PALD1: variants seen among roughly 807,000 people sequenced by gnomAD.
The protein encoded by PALD1 is phosphatase domain containing paladin 1, also known as paladin.
Under a neutral mutation model 96.0 loss-of-function variants are expected in PALD1, and 57 were observed. That is an observed-to-expected ratio of 0.59 (90% confidence interval 0.48 to 0.74). The LOEUF is 0.74. Among genes scored for constraint, PALD1 ranks in the 30% least tolerant of loss-of-function variants. The probability of loss-of-function intolerance (pLI) is 0.00; values close to 1 mark genes in which losing one functional copy is unlikely to be tolerated. For missense variants in PALD1, 1,063 were observed against 1,143.7 expected (o/e 0.93, Z 1.02); for synonymous variants, 464 against 473.6 (o/e 0.98, Z 0.26).
Position 70,547,395 on chromosome 10 carries a change from G to A in PALD1, c.2211G>A (p.Met737Ile). 2 of 1,613,276 alleles carry A rather than the reference G, an allele frequency of 1.2e-6. No individual in the cohort carries two copies. Among genetic ancestry groups the A allele is most frequent in the Non-Finnish European group, 1.7e-6 (2 of 1,179,690 alleles). The stretch of plus-strand genomic sequence containing the variant: ...CGCTGGACACTGTCAGCGAGACCAT[G>A]ACGCCCATGCACTACCACCTGCGGG... Reference protein sequence around the residue: ...DAALDTVSETMTPMHYHLREI... With the variant: ...DAALDTVSETITPMHYHLREI... Residue 737 changes from methionine (M) to isoleucine (I), a missense_variant, in exon 18 of 20, where the codon ATG (methionine) becomes ATA (isoleucine). Transcript: ENST00000263563.
intron 19 of PALD1, among the ~76,000 whole-genome samples, chr10:70,565,785 G>A (rs1404004131): frequency 6.6e-6 from 1 of 152,160 alleles, no homozygotes; most frequent in Admixed American, 6.5e-5. Context: ...CCTGGGGAGG[G>A]GTGGAGGTGG....
At chr10:70,501,553 G>A (rs138124909) in intron 1 of PALD1, among the ~76,000 whole-genome samples, 105 of 152,294 alleles carry the variant, frequency 6.9e-4, no homozygotes, top group African/African-American at 2.4e-3. Flanking sequence ...GTGGCACCTC[G>A]GGAGCGTCCT....
At chr10:70,468,329 C>T in the PALD1 span, among the ~76,000 whole-genome samples, 1 of 151,966 alleles carries the variant, frequency 6.6e-6, no homozygotes, top group Admixed American at 6.6e-5. Context: ...CTGCAACCTT[C>T]ACCTCCCGGG....
chr10:70,548,032 G>GC (rs144346676), intron 18 of PALD1, among the ~76,000 whole-genome samples: 28,963 of 152,078 alleles, frequency 0.19, 2,830 homozygotes, highest in Admixed American at 0.23. Context: ...TTGGCCAGGT[G>GC]CAGTGGCTCA....
intron 1 of PALD1, among the ~76,000 whole-genome samples, chr10:70,480,554 C>T (rs1845912724): frequency 6.6e-6 from 1 of 152,214 alleles, no homozygotes; most frequent in Non-Finnish European, 1.5e-5. Context: ...GCTCTGACCT[C>T]ACTTCTGTGA....
At chr10:70,557,489 C>T (rs1200215315) in intron 18 of PALD1, among the ~76,000 whole-genome samples, 4 of 152,222 alleles carry the variant, frequency 2.6e-5, no homozygotes, top group African/African-American at 9.7e-5. Context: ...TCCCTTCACA[C>T]TTTGAAATTA....
chr10:70,538,479 C>T (rs1847161845), intron 12 of PALD1, 71 bp downstream of exon 12: 4 of 1,499,080 alleles, frequency 2.7e-6, no homozygotes, highest in African/African-American at 2.8e-5. Flanking sequence ...CACTGGATTC[C>T]TGTAGGGTTG....
chr10:70,560,913 C>G (rs1306835282), intron 18 of PALD1, among the ~76,000 whole-genome samples: 1 of 137,038 alleles, frequency 7.3e-6, no homozygotes, highest in Non-Finnish European at 1.6e-5. Flanking sequence ...GTGGCTGACC[C>G]GTCCTCCCCA....
intron 18 of PALD1, among the ~76,000 whole-genome samples, chr10:70,553,210 C>T (rs1010570037): frequency 5.3e-5 from 8 of 152,308 alleles, no homozygotes; most frequent in Middle Eastern, 3.4e-3. Flanking sequence ...ACTTCCAGAA[C>T]GAGAGACTTC....
chr10:70,557,218 T>G (rs1244850304), intron 18 of PALD1, among the ~76,000 whole-genome samples: 1 of 152,094 alleles, frequency 6.6e-6, no homozygotes, highest in Non-Finnish European at 1.5e-5. Context: ...TCACCTGGAG[T>G]TGTTACCCTT....
At chr10:70,464,610 TA>T in the PALD1 span, among the ~76,000 whole-genome samples, 1 of 144,146 alleles carries the variant, frequency 6.9e-6, no homozygotes, top group African/African-American at 2.5e-5. Context: ...TATTCCAGGC[TA>T]AAACTGTACC....
rs148122800 is a variant in PALD1 at position 70,539,989 on chromosome 10, ATTG to A, written c.1908+230_1908+232del. Among the ~76,000 whole-genome samples, 521 of 151,956 alleles carry A rather than the reference ATTG, an allele frequency of 3.4e-3. 2 individuals carry two copies. The highest frequency in any genetic ancestry group is 0.012 in the African/African-American group (503 of 41,416). On this transcript the variant is annotated intron_variant, in intron 15 of 19. Transcript: ENST00000263563. This position sits in a 1 kb window ranked among gnomAD's most constrained non-coding sequence, Gnocchi z 4.5. ...TGTGTTATAGGGTATATGTGTGTGT[ATTG>A]TTATAGGTGTGTGTGTATTGGAGTG... is the stretch of plus-strand genomic sequence containing the variant.
chr10:70,539,739 G>A lies in PALD1; in HGVS notation c.1885G>A (p.Asp629Asn). The change falls in exon 15 of 20, where the codon GAC becomes AAC. Residue 629 changes from aspartate to asparagine, a missense_variant. Physicochemically the swap from Asp to Asn is conservative, Grantham distance 23. Transcript: ENST00000263563. The surrounding 1 kb of genome is among the most constrained non-coding windows in gnomAD (Gnocchi z 4.5). ...CACCTACCACCGCATCCCCATGCCG[G>A]ACTTCTGTGCCCCCCGAGAGGAGGT... ...GLTYHRIPMP[D>N]FCAPREEDFD... is the part of the protein sequence containing the mutation. The A allele has an allele frequency of 6.2e-7, 1 of 1,611,872 alleles. No homozygotes were observed. Among genetic ancestry groups the A allele is most frequent in the Non-Finnish European group, 8.5e-7 (1 of 1,179,328 alleles).
chr10:70,492,439 C>A (rs1024336136), intron 1 of PALD1, among the ~76,000 whole-genome samples: 3 of 136,094 alleles, frequency 2.2e-5, no homozygotes, highest in Non-Finnish European at 4.6e-5. Flanking sequence ...GAATTAAATG[C>A]ATTTTTGACT....
At chr10:70,556,474 C>A (rs997630341) in intron 18 of PALD1, among the ~76,000 whole-genome samples, 1 of 152,070 alleles carries the variant, frequency 6.6e-6, no homozygotes, top group African/African-American at 2.4e-5. Flanking sequence ...CGCCACCAGG[C>A]CTGGCTAATT....
intron 18 of PALD1, among the ~76,000 whole-genome samples, chr10:70,556,704 A>G (rs934459860): frequency 1.3e-5 from 2 of 152,130 alleles, no homozygotes; most frequent in African/African-American, 4.8e-5. Flanking sequence ...TTTATTCAAC[A>G]ACAAACATCC....
chr10:70,535,546 C>G (rs1216408703), intron 10 of PALD1, among the ~76,000 whole-genome samples: 2 of 140,214 alleles, frequency 1.4e-5, no homozygotes, highest in Non-Finnish European at 3.1e-5. Context: ...TTCTTTCCTC[C>G]TCCTCCTTCC....
Position 70,533,957 on chromosome 10 carries a change from C to T in PALD1, c.906C>T (p.His302=), listed in dbSNP as rs12764399. The T allele has an allele frequency of 0.14, 229,177 of 1,610,680 alleles. 17,587 individuals are homozygous for T. Among genetic ancestry groups the T allele is most frequent in the South Asian group, 0.18 (16,156 of 90,560 alleles). ...GCCTGCTGCAGCTCCGTGATGCCCA[C>T]GGGCCTCCCCCAGCCCTCGTCTTCA... ...TPSLLQLRDA[H]GPPPALVFSC... is the part of the protein sequence containing the mutation. The change falls in exon 8 of 20, where the codon CAC becomes CAT. Residue 302 remains histidine (H), a synonymous_variant. Transcript: ENST00000263563.
chr10:70,528,730 G>A (rs556394200), intron 2 of PALD1, among the ~76,000 whole-genome samples: 85 of 152,266 alleles, frequency 5.6e-4, no homozygotes, highest in Non-Finnish European at 7.4e-4. Flanking sequence ...GCAAGTCCAC[G>A]AGGACATCCA....
Sources: gnomAD v4.1 joint callset for allele counts (sites outside exome capture counted in the v4.1 genomes callset) on GRCh38, gnomAD v4.1.1 for gene constraint, Gnocchi (gnomAD v3.1) non-coding constraint, MANE v1.5 for transcripts, NCBI Gene and HGNC (gene_info 2026-07-23, HGNC 2026-07-21) for gene names.